The following NTN1 variants were observed in gnomAD, a reference collection of about 807,000 sequenced individuals.
NTN1 encodes netrin-1.
Under a neutral mutation model 54.2 loss-of-function variants are expected in NTN1, and 11 were observed. The ratio of observed to expected loss-of-function variants is 0.20; its 90% confidence interval spans 0.13 to 0.34. The LOEUF (loss-of-function observed/expected upper bound fraction) is 0.34, where lower values mean the gene tolerates loss of function less well. Ranked by LOEUF, NTN1 falls within the 10% of genes least tolerant of loss-of-function variation. The pLI, the probability that NTN1 is intolerant of heterozygous loss-of-function variation, is 1.00. For missense variants in NTN1, 740 were observed against 893.1 expected (o/e 0.83, Z 2.18); for synonymous variants, 371 against 382.0 (o/e 0.97, Z 0.33).
chr17:9,174,182 C>T (rs1354451048), intron 3 of NTN1: 2 of 152,312 alleles, frequency 1.3e-5, no homozygotes, highest in Non-Finnish European at 2.9e-5. Flanking sequence ...ATCATGGAAG[C>T]TGAGAGCTGC....
At chr17:9,100,586 C>T (rs539007057) in intron 2 of NTN1, among the ~76,000 whole-genome samples, 30 of 152,304 alleles carry the variant, frequency 2.0e-4, no homozygotes, top group African/African-American at 5.3e-4. Context: ...CAGGCATGAG[C>T]CACTGCGCCT....
the NTN1 span, among the ~76,000 whole-genome samples, chr17:9,005,975 C>T: frequency 6.6e-6 from 1 of 152,196 alleles, no homozygotes; most frequent in Non-Finnish European, 1.5e-5. Context: ...GGCAAATCTG[C>T]CCACGCCAGG....
chr17:9,012,509 T>TCAAAA, the NTN1 span, among the ~76,000 whole-genome samples: 5 of 132,012 alleles, frequency 3.8e-5, no homozygotes, highest in Admixed American at 1.6e-4. Context: ...AGACTCCATC[T>TCAAAA]CAAAACAAAA....
chr17:9,186,145 G>A (rs2092432384), intron 5 of NTN1, among the ~76,000 whole-genome samples: 1 of 152,106 alleles, frequency 6.6e-6, no homozygotes. Context: ...GGGGCAGGAG[G>A]TGGGGCCAAT....
At chr17:9,008,155 T>C in the NTN1 span, among the ~76,000 whole-genome samples, 1 of 152,082 alleles carries the variant, frequency 6.6e-6, no homozygotes, top group Non-Finnish European at 1.5e-5. Flanking sequence ...AACAATACAT[T>C]ATTGATGCTC....
chr17:9,061,191 C>T (rs962246567), intron 2 of NTN1, among the ~76,000 whole-genome samples: 1 of 151,996 alleles, frequency 6.6e-6, no homozygotes, highest in African/African-American at 2.4e-5. Context: ...TGGAGAAGGC[C>T]TGGTGGAGGA....
chr17:9,134,361 C>T (rs2092274805), intron 2 of NTN1, among the ~76,000 whole-genome samples: 1 of 152,164 alleles, frequency 6.6e-6, no homozygotes. Flanking sequence ...TGGGTGCTCA[C>T]CCTCTCTCCC....
Position 9,219,174 on chromosome 17 carries a change from CGGTGCTGAT to C in NTN1, c.1412-1982_1412-1974del, listed in dbSNP as rs1217447780. On this transcript the variant is annotated intron_variant, in intron 5 of 6. Transcript: ENST00000173229. The surrounding 1 kb of genome is among the most constrained non-coding windows in gnomAD (Gnocchi z 4.5). ...TGTTCCTCACAGGGAAGTGCGGCCG[CGGTGCTGAT>C]GGTGCTGATGGCGCCGTTGACTTGA... Among the ~76,000 whole-genome samples, 5 of 152,174 alleles carry C rather than the reference CGGTGCTGAT, an allele frequency of 3.3e-5. No individual in the cohort carries two copies. The highest frequency in any genetic ancestry group is 6.5e-5 in the Admixed American group (1 of 15,286).
At chr17:9,172,434 A>C (rs1271129509) in intron 3 of NTN1, among the ~76,000 whole-genome samples, 2 of 151,826 alleles carry the variant, frequency 1.3e-5, no homozygotes, top group Admixed American at 1.3e-4. Flanking sequence ...AGCCGAGATC[A>C]CACCACTGCA....
chr17:9,197,731 C>G lies in NTN1; in HGVS notation c.1411+14762C>G, dbSNP rs544415341. ...GGGAAATGGGTTTTAGAGAAGACTG[C>G]TTCAAGATTTTCTTCAGGCTGAAGC... On this transcript the variant is annotated intron_variant, in intron 5 of 6. Coordinates refer to ENST00000173229, the MANE Select transcript of NTN1 (RefSeq NM_004822.3). Among the ~76,000 whole-genome samples the G allele has an allele frequency of 1.7e-4, 26 of 151,522 alleles. No individual in the cohort carries two copies. The South Asian group carries it at 5.4e-3, about 32-fold the overall frequency.
At chr17:9,179,021 A>C (rs552711527) in intron 3 of NTN1, 2 of 152,224 alleles carry the variant, frequency 1.3e-5, no homozygotes, top group African/African-American at 4.8e-5. Context: ...GCCCAGGAGG[A>C]GGGTGGGGGG....
At chr17:9,200,090 G>A (rs1053028024) in intron 5 of NTN1, among the ~76,000 whole-genome samples, 5 of 152,364 alleles carry the variant, frequency 3.3e-5, no homozygotes, top group East Asian at 1.9e-4. Context: ...CCGGGTGGAC[G>A]TTACAGGACT....
chr17:9,127,071 C>CAG (rs1555570062), intron 2 of NTN1, among the ~76,000 whole-genome samples: 1 of 81,894 alleles, frequency 1.2e-5, no homozygotes, highest in Admixed American at 1.3e-4. Flanking sequence ...GTGGTAGGGC[C>CAG]GGGGGGGGGC....
In NTN1 at chr17:9,152,057, C is replaced by T. The variant is rs559319588; in HGVS notation, c.1019-10756C>T. ...TAAGGGAATAAAAGCTGGCCCCCCG[C>T]GGGCCATGAGTGGCAATCCACTCGG... is the stretch of plus-strand genomic sequence containing the variant. On this transcript the variant is annotated intron_variant, in intron 2 of 6. Transcript: ENST00000173229. 1.9e-4 allele frequency among the ~76,000 whole-genome samples: 29 copies of T among 152,086 alleles called. No homozygotes were observed. In the East Asian group the frequency reaches 3.1e-3, roughly 16 times the overall value.
chr17:9,170,423 C>T (rs1018907366), intron 3 of NTN1, among the ~76,000 whole-genome samples: 2 of 152,194 alleles, frequency 1.3e-5, no homozygotes, highest in South Asian at 2.1e-4. Context: ...TTGGTTCTTT[C>T]GGTGAGTGGT....
chr17:9,010,853 C>T, the NTN1 span, among the ~76,000 whole-genome samples: 4 of 152,060 alleles, frequency 2.6e-5, no homozygotes, highest in Non-Finnish European at 4.4e-5. Context: ...ATGATCCAAG[C>T]GCATTACATT....
Position 9,037,838 on chromosome 17 carries a change from T to G in NTN1, c.1018+14447T>G, listed in dbSNP as rs151087891. Among the ~76,000 whole-genome samples the G allele has an allele frequency of 4.5e-3, 682 of 152,290 alleles. 12 individuals carry two copies. Among genetic ancestry groups the G allele is most frequent in the East Asian group, 0.024 (125 of 5,174 alleles). On this transcript the variant is annotated intron_variant, in intron 2 of 6. Coordinates refer to ENST00000173229, the MANE Select transcript of NTN1 (RefSeq NM_004822.3). ...TATCTTTGTCCCTCAGCCTCCCTGG[T>G]CTCTTCTTAACACAGCAGCCAGAGG...
chr17:9,243,788 A>G lies in NTN1; in HGVS notation c.*3820A>G, dbSNP rs1195782821. On this transcript the variant is annotated 3_prime_UTR_variant, in exon 7 of 7. Coordinates refer to ENST00000173229, the MANE Select transcript of NTN1 (RefSeq NM_004822.3). ...TGACCATGACGTATTGTTTGGGTCAATGTCCCTTTCCAATGCATACTAATA... is the reference window on the plus strand; with the variant it reads ...TGACCATGACGTATTGTTTGGGTCAGTGTCCCTTTCCAATGCATACTAATA... 2.7e-5 allele frequency: 4 copies of G among 149,828 alleles called. No individual in the cohort carries two copies. The highest frequency in any genetic ancestry group is 9.8e-5 in the African/African-American group (4 of 40,708). The allele number at this position is 149,828 out of a possible 1,614,324, so 9.3% of individuals were successfully genotyped here. A position where few individuals can be genotyped will look rare whatever the true frequency, so the allele number is the denominator to read the frequency against.
chr17:9,093,837 G>C (rs1373201878), intron 2 of NTN1, among the ~76,000 whole-genome samples: 1 of 152,156 alleles, frequency 6.6e-6, no homozygotes, highest in African/African-American at 2.4e-5. Flanking sequence ...AGCTGGGCGT[G>C]GTGGCGGGCG....
Sources: gnomAD v4.1 joint callset for allele counts (sites outside exome capture counted in the v4.1 genomes callset) on GRCh38, gnomAD v4.1.1 for gene constraint, Gnocchi (gnomAD v3.1) non-coding constraint, MANE v1.5 for transcripts, NCBI Gene and HGNC (gene_info 2026-07-23, HGNC 2026-07-21) for gene names.